The following MSH4 variants were observed in gnomAD, a reference collection of about 807,000 sequenced individuals.
The protein encoded by MSH4 is mutS homolog 4.
Under a neutral mutation model 113.7 loss-of-function variants are expected in MSH4, and 106 were observed. The observed-to-expected ratio is 0.93, with a 90% CI of 0.80 to 1.10. The LOEUF (loss-of-function observed/expected upper bound fraction) is 1.10. Among genes scored for constraint, MSH4 ranks in the 50% least tolerant of loss-of-function variants. The probability of loss-of-function intolerance (pLI) is 0.00; values close to 1 mark genes in which losing one functional copy is unlikely to be tolerated. For missense variants in MSH4, 1,061 were observed against 1,093.7 expected (o/e 0.97, Z 0.42); for synonymous variants, 368 against 380.2 (o/e 0.97, Z 0.37).
chr1:75,873,674 G>T (rs112519754), intron 9 of MSH4, among the ~76,000 whole-genome samples: 3 of 151,802 alleles, frequency 2.0e-5, no homozygotes, highest in Non-Finnish European at 4.4e-5. Flanking sequence ...TTGATTTTCC[G>T]TTCCTGTGTT....
At chr1:75,888,126 G>A (rs1198819522) in intron 15 of MSH4, among the ~76,000 whole-genome samples, 2 of 150,690 alleles carry the variant, frequency 1.3e-5, no homozygotes, top group Non-Finnish European at 3.0e-5. Flanking sequence ...ATATTAATCT[G>A]ACTTTTGGTT....
Position 75,870,022 on chromosome 1 carries a change from C to T in MSH4, c.1305+2434C>T, listed in dbSNP as rs143134898. Reference sequence around the variant, plus strand: ...GCTGCAGGGTTCAGGGGGCTGTACCCTGCAAAGGCACAAGGGTGGAGCTGC... The same window carrying T: ...GCTGCAGGGTTCAGGGGGCTGTACCTTGCAAAGGCACAAGGGTGGAGCTGC... On this transcript the variant is annotated intron_variant, in intron 9 of 19. Coordinates refer to ENST00000263187, the MANE Select transcript of MSH4 (RefSeq NM_002440.4). 4.8e-3 allele frequency among the ~76,000 whole-genome samples: 728 copies of T among 152,332 alleles called. 2 individuals carry two copies. The highest frequency in any genetic ancestry group is 0.015 in the South Asian group (72 of 4,830).
chr1:75,882,663 TAAAAAAAAAAAAAA>T (rs35936506), intron 14 of MSH4, among the ~76,000 whole-genome samples: 3 of 123,814 alleles, frequency 2.4e-5, no homozygotes, highest in African/African-American at 6.0e-5. Flanking sequence ...ACCTCATTTC[TAAAAAAAAAAAAAA>T]AAAAAAAAAA....
At chr1:75,906,383 G>T in intron 19 of MSH4, among the ~76,000 whole-genome samples, 1 of 119,446 alleles carries the variant, frequency 8.4e-6, no homozygotes. Context: ...CTTCCTTTTT[G>T]ATTAAGTAAT....
intron 10 of MSH4, among the ~76,000 whole-genome samples, chr1:75,877,256 A>G (rs1651835783): frequency 6.6e-6 from 1 of 152,104 alleles, no homozygotes; most frequent in Admixed American, 6.6e-5. Flanking sequence ...CACAATTTTA[A>G]TATTTCCTTT....
At chr1:75,882,663 TAAAAAAAAAAAA>T (rs35936506) in intron 14 of MSH4, among the ~76,000 whole-genome samples, 1 of 123,814 alleles carries the variant, frequency 8.1e-6, no homozygotes, top group Non-Finnish European at 1.6e-5. Context: ...ACCTCATTTC[TAAAAAAAAAAAA>T]AAAAAAAAAA....
chr1:75,847,711 C>T (rs912639458), intron 7 of MSH4, among the ~76,000 whole-genome samples: 2 of 152,126 alleles, frequency 1.3e-5, no homozygotes, highest in Admixed American at 6.5e-5. Context: ...ATGCTAAGAG[C>T]AAAATGAGGG....
chr1:75,830,824 A>G (rs1249860495), intron 7 of MSH4, among the ~76,000 whole-genome samples: 4 of 152,364 alleles, frequency 2.6e-5, no homozygotes, highest in Admixed American at 6.5e-5. Flanking sequence ...AGTACCAGCC[A>G]CTGCAAAAAC....
chr1:75,818,527 G>A lies in MSH4; in HGVS notation c.989+1981G>A, dbSNP rs545797162. On this transcript the variant is annotated intron_variant, in intron 6 of 19. Transcript: ENST00000263187. ...TAACATGGTTATTAGAATTAAACAA[G>A]TTAATACTTTTAAAATGCTTAGAAC... 2.6e-5 allele frequency among the ~76,000 whole-genome samples: 4 copies of A among 152,264 alleles called. No individual in the cohort carries two copies. The East Asian group carries it at 7.7e-4, about 29-fold the overall frequency.
At chr1:75,878,044 A>T in intron 10 of MSH4, 105 bp from the exon 11 acceptor site, 1 of 798,212 alleles carries the variant, frequency 1.3e-6, no homozygotes, top group South Asian at 1.9e-5. Flanking sequence ...ATTTCAAAAT[A>T]ACTTTCAACA....
In MSH4 at chr1:75,818,929, A is replaced by AT. The variant is rs1012536456; in HGVS notation, c.989+2393dup. Among the ~76,000 whole-genome samples, 193 of 148,438 alleles carry AT rather than the reference A, an allele frequency of 1.3e-3. 1 individual carries two copies. The East Asian group carries it at 0.029, about 23-fold the overall frequency. On this transcript the variant is annotated intron_variant, in intron 6 of 19. Coordinates refer to ENST00000263187, the MANE Select transcript of MSH4 (RefSeq NM_002440.4). ...AGGCACCCACCACCATGCCCAGCTA[A>AT]TTTTTTTTTTGTATTTTTAGTAGGG...
At chr1:75,902,610 CTA>C (rs1424928097) in intron 19 of MSH4, among the ~76,000 whole-genome samples, 1 of 144,276 alleles carries the variant, frequency 6.9e-6, no homozygotes, top group Non-Finnish European at 1.5e-5. Context: ...TAGGTTGGTT[CTA>C]TGACTTTGCT....
chr1:75,818,006 C>T (rs1650327716), intron 6 of MSH4, among the ~76,000 whole-genome samples: 1 of 152,152 alleles, frequency 6.6e-6, no homozygotes, highest in African/African-American at 2.4e-5. Flanking sequence ...GAGTATATAC[C>T]AGTTCTGGAT....
chr1:75,826,788 T>A (rs1359112537), intron 7 of MSH4, among the ~76,000 whole-genome samples: 1 of 152,224 alleles, frequency 6.6e-6, no homozygotes, highest in Admixed American at 6.6e-5. Context: ...AGTTTCTTAA[T>A]CCTGAGTTCT....
At chr1:75,799,235 G>A (rs1423828779) in intron 1 of MSH4, among the ~76,000 whole-genome samples, 1 of 152,040 alleles carries the variant, frequency 6.6e-6, no homozygotes, top group Non-Finnish European at 1.5e-5. Flanking sequence ...CTTCTTACTA[G>A]GCAGACGGTA....
At chr1:75,803,961 G>T in intron 2 of MSH4, 48 bp downstream of exon 2, 1 of 1,298,102 alleles carries the variant, frequency 7.7e-7, no homozygotes, top group Non-Finnish European at 1.0e-6. Context: ...AAACTTAAAA[G>T]TTTTATAAAT....
At chr1:75,896,104 G>A (rs1652374277) in intron 17 of MSH4, among the ~76,000 whole-genome samples, 1 of 152,100 alleles carries the variant, frequency 6.6e-6, no homozygotes, top group Admixed American at 6.6e-5. Flanking sequence ...GAAAAAGGCT[G>A]ATCCTTCTAA....
chr1:75,889,495 G>T, intron 16 of MSH4, 126 bp downstream of exon 16: 1 of 456,842 alleles, frequency 2.2e-6, no homozygotes, highest in East Asian at 3.7e-5. Flanking sequence ...AAGAGCCAGA[G>T]GGCAGTCAAA....
chr1:75,853,393 A>T (rs1177298774), intron 8 of MSH4, among the ~76,000 whole-genome samples: 1 of 152,104 alleles, frequency 6.6e-6, no homozygotes, highest in Non-Finnish European at 1.5e-5. Flanking sequence ...GATTCAGGTT[A>T]CATAACATTG....
Sources: allele counts gnomAD v4.1 joint callset (sites outside exome capture counted in the v4.1 genomes callset), GRCh38; gene constraint gnomAD v4.1.1; transcripts MANE v1.5; gene names NCBI Gene and HGNC (gene_info 2026-07-23, HGNC 2026-07-21).